TSPAN18: variants seen among roughly 807,000 people sequenced by gnomAD.
The protein encoded by TSPAN18 is tetraspanin-18.
A neutral mutation model predicts 27.3 loss-of-function variants in TSPAN18; 14 were observed. The ratio of observed to expected loss-of-function variants is 0.51; its 90% confidence interval spans 0.34 to 0.80. TSPAN18 has a LOEUF of 0.80. TSPAN18 is among the 30% of genes least tolerant of loss of function. The probability of loss-of-function intolerance (pLI) is 0.01; values close to 1 mark genes in which losing one functional copy is unlikely to be tolerated. For missense variants in TSPAN18, 268 were observed against 323.9 expected, an observed-to-expected ratio of 0.83 and a Z score of 1.32; for synonymous variants, 143 against 136.5, an observed-to-expected ratio of 1.05 and a Z score of -0.33.
intron 2 of TSPAN18, among the ~76,000 whole-genome samples, chr11:44,790,513 ATG>A (rs1033277051): frequency 6.5e-5 from 8 of 123,480 alleles, no homozygotes; most frequent in Non-Finnish European, 8.0e-5. Flanking sequence ...TTGTGTGTGC[ATG>A]TGTTTTTGGT....
chr11:44,865,580 A>C (rs1195973589), intron 3 of TSPAN18, among the ~76,000 whole-genome samples: 1 of 152,240 alleles, frequency 6.6e-6, no homozygotes, highest in Non-Finnish European at 1.5e-5. Flanking sequence ...TTTAAATTAA[A>C]AAGCAAATTC....
At chr11:44,872,490 G>A (rs1231276880) in intron 3 of TSPAN18, among the ~76,000 whole-genome samples, 1 of 152,250 alleles carries the variant, frequency 6.6e-6, no homozygotes, top group Non-Finnish European at 1.5e-5. Context: ...GCTAAGTGCT[G>A]TGCTAGTGTA....
intron 8 of TSPAN18, among the ~76,000 whole-genome samples, chr11:44,920,437 C>T (rs1225061419): frequency 6.7e-6 from 1 of 150,284 alleles, no homozygotes; most frequent in Non-Finnish European, 1.5e-5. Flanking sequence ...GTCTCCTTGA[C>T]CTGACTCTCC....
In TSPAN18 at chr11:44,732,502, C is replaced by T. The variant is rs78288166; in HGVS notation, c.-240+5215C>T. Among the ~76,000 whole-genome samples the T allele has an allele frequency of 3.5e-3, 537 of 152,210 alleles. 4 individuals are homozygous for T. The highest frequency in any genetic ancestry group is 0.013 in the African/African-American group (524 of 41,522). On this transcript the variant is annotated intron_variant, in intron 1 of 9. Transcript: ENST00000520358. ...TCATGTATCAAAACCTCCTGTGAGC[C>T]GAAAAGCCCCAGGAATGATATCTCT...
chr11:44,817,048 C>G (rs1010432631), intron 2 of TSPAN18, among the ~76,000 whole-genome samples: 1 of 152,218 alleles, frequency 6.6e-6, no homozygotes, highest in African/African-American at 2.4e-5. Context: ...TGAAGGCTTC[C>G]TCTCAGGGAA....
At position 44,931,903 on chromosome 11, in the gene TSPAN18, C is replaced by T. The variant is rs1860577953; in HGVS notation, c.*2725C>T. 1 of 152,278 alleles carries T rather than the reference C, an allele frequency of 6.6e-6. No homozygotes were observed. Among genetic ancestry groups the T allele is most frequent in the Non-Finnish European group, 1.5e-5 (1 of 68,092 alleles). The allele number at this position is 152,278 out of a possible 1,614,324, so 9.4% of individuals were successfully genotyped here. On this transcript the variant is annotated 3_prime_UTR_variant, in exon 10 of 10. Transcript: ENST00000520358. ...ATAACAGAGACTTCCTCGGACCCCA[C>T]TAACAGGGCAAGGAACAAGAAGACT...
intron 2 of TSPAN18, among the ~76,000 whole-genome samples, chr11:44,791,239 C>T (rs1237434773): frequency 6.6e-6 from 1 of 152,188 alleles, no homozygotes; most frequent in Non-Finnish European, 1.5e-5. Context: ...GTGCCCTGGA[C>T]GTAGTGCTAG....
chr11:44,850,001 G>A (rs1857563051), intron 2 of TSPAN18, among the ~76,000 whole-genome samples: 2 of 152,150 alleles, frequency 1.3e-5, no homozygotes, highest in South Asian at 4.1e-4. Flanking sequence ...TGACTGGCCT[G>A]GCCCAAGCAA....
chr11:44,811,624 T>G (rs1253767821), intron 2 of TSPAN18, among the ~76,000 whole-genome samples: 1 of 151,828 alleles, frequency 6.6e-6, no homozygotes, highest in Admixed American at 6.6e-5. Flanking sequence ...CACACCTGGC[T>G]AATTTTTTTG....
chr11:44,863,858 GA>G (rs1376630779), intron 3 of TSPAN18, among the ~76,000 whole-genome samples: 1 of 152,188 alleles, frequency 6.6e-6, no homozygotes, highest in Non-Finnish European at 1.5e-5. Context: ...GTGCTTAACA[GA>G]GCACCTGCCA....
chr11:44,908,776 AAAG>A lies in TSPAN18; in HGVS notation c.64-926_64-924del, dbSNP rs1169558468. On this transcript the variant is annotated intron_variant, in intron 4 of 9. Coordinates refer to ENST00000520358, the MANE Select transcript of TSPAN18 (RefSeq NM_130783.5). ...AGAGAGAGAGAGAGAAAGGAGAAAG[AAAG>A]AAAGAAAGAAAGAAAGAAAGAAAGA... Among the ~76,000 whole-genome samples, 10 of 120,432 alleles carry A rather than the reference AAAG, an allele frequency of 8.3e-5. 1 individual carries two copies. The highest frequency in any genetic ancestry group is 1.7e-4 in the Non-Finnish European group (10 of 59,880). 79.0% of individuals were successfully genotyped at this position (120,432 alleles called of 152,430 possible). A position where few individuals can be genotyped will look rare whatever the true frequency, so the allele number is the denominator to read the frequency against.
intron 2 of TSPAN18, among the ~76,000 whole-genome samples, chr11:44,800,006 G>GTTTTTTTTTTTTTTTTTTTTTTTTTTTTT (rs60067559): frequency 9.1e-6 from 1 of 109,398 alleles, no homozygotes; most frequent in Non-Finnish European, 1.8e-5. Flanking sequence ...AATTTTTTGT[G>GTTTTTTTTTTTTTTTTTTTTTTTTTTTTT]TTTTTTTTTT....
intron 2 of TSPAN18, among the ~76,000 whole-genome samples, chr11:44,792,964 A>T (rs1399988865): frequency 6.6e-6 from 1 of 152,146 alleles, no homozygotes; most frequent in African/African-American, 2.4e-5. Flanking sequence ...CTCAAAGTCA[A>T]GTTGTCCCAG....
intron 3 of TSPAN18, among the ~76,000 whole-genome samples, chr11:44,861,558 G>A (rs1346228470): frequency 5.8e-5 from 2 of 34,436 alleles, no homozygotes; most frequent in African/African-American, 1.9e-4. Flanking sequence ...CATGAGAGGG[G>A]ATGGACTTGC....
intron 2 of TSPAN18, among the ~76,000 whole-genome samples, chr11:44,847,559 CT>C (rs1857510434): frequency 1.3e-5 from 2 of 152,138 alleles, no homozygotes; most frequent in Non-Finnish European, 1.5e-5. Context: ...GTTGATGGGC[CT>C]TTTGGATACT....
At chr11:44,752,514 A>G (rs983374896) in intron 1 of TSPAN18, among the ~76,000 whole-genome samples, 3 of 152,222 alleles carry the variant, frequency 2.0e-5, no homozygotes, top group Non-Finnish European at 4.4e-5. Context: ...CACAATAAAA[A>G]CAAATGAGAT....
chr11:44,813,048 C>T (rs182767124), intron 2 of TSPAN18, among the ~76,000 whole-genome samples: 4 of 152,330 alleles, frequency 2.6e-5, no homozygotes, highest in East Asian at 1.9e-4. Flanking sequence ...GCCTGCTGGC[C>T]GTCTCTCTGT....
chr11:44,910,247 C>G (rs1270728927), intron 5 of TSPAN18, among the ~76,000 whole-genome samples: 2 of 152,232 alleles, frequency 1.3e-5, no homozygotes, highest in Non-Finnish European at 2.9e-5. Context: ...CTCTCTCCCA[C>G]TTCATTTTGC....
chr11:44,732,426 G>A (rs774518699), intron 1 of TSPAN18, among the ~76,000 whole-genome samples: 9 of 152,142 alleles, frequency 5.9e-5, no homozygotes, highest in Non-Finnish European at 1.3e-4. Flanking sequence ...TTTGATCCTC[G>A]GTTGATCTGA....
Sources: allele counts gnomAD v4.1 joint callset (sites outside exome capture counted in the v4.1 genomes callset), GRCh38; gene constraint gnomAD v4.1.1; transcripts MANE v1.5; gene names NCBI Gene and HGNC (gene_info 2026-07-23, HGNC 2026-07-21).